Variants in EYS observed in about 807,000 individuals in gnomAD.
EYS encodes protein eyes shut homolog.
Under a neutral mutation model 282.1 loss-of-function variants are expected in EYS, and 250 were observed. The observed-to-expected ratio is 0.89, with a 90% CI of 0.80 to 0.98. The LOEUF is 0.98. Ranked by LOEUF, EYS falls within the 50% of genes least tolerant of loss-of-function variation. The probability of loss-of-function intolerance (pLI) is 0.00; values close to 1 mark genes in which losing one functional copy is unlikely to be tolerated. For synonymous variants in EYS, 1,355 were observed against 1,282.9 expected (o/e 1.06, Z -1.20); for missense variants, 4,016 against 3,709.0 (o/e 1.08, Z -2.15).
At chr6:64,802,991 G>A (rs1764302557) in intron 22 of EYS, among the ~76,000 whole-genome samples, 1 of 152,208 alleles carries the variant, frequency 6.6e-6, no homozygotes, top group Non-Finnish European at 1.5e-5. Context: ...CTGGCTCCAT[G>A]CAAGGTTACA....
In EYS at chr6:63,922,495, G is replaced by A. The variant is rs139736597; in HGVS notation, c.7056-58137C>T. The stretch of plus-strand genomic sequence containing the variant: ...GGAGAATCATGTGAACCTGGGAGGC[G>A]GAGGTTGCAGTGAGCCAAGATCATG... On this transcript the variant is annotated intron_variant, in intron 35 of 42. Coordinates refer to ENST00000503581, the MANE Select transcript of EYS (RefSeq NM_001142800.2). Among the ~76,000 whole-genome samples the A allele has an allele frequency of 3.3e-3, 507 of 152,226 alleles. 3 individuals carry two copies. Among genetic ancestry groups the A allele is most frequent in the African/African-American group, 0.011 (467 of 41,534 alleles).
chr6:64,872,495 GCC>G (rs1481481051), intron 19 of EYS, among the ~76,000 whole-genome samples: 8 of 151,984 alleles, frequency 5.3e-5, no homozygotes, highest in Admixed American at 5.3e-4. Flanking sequence ...ATAGGATCCA[GCC>G]CAAAGTTTCT....
intron 22 of EYS, among the ~76,000 whole-genome samples, chr6:64,756,590 A>G (rs2149974536): frequency 6.6e-6 from 1 of 152,320 alleles, no homozygotes; most frequent in East Asian, 1.9e-4. Context: ...GTTTTAAAGG[A>G]CAAGGACAAT....
chr6:64,949,546 T>C (rs1429251261), intron 14 of EYS, among the ~76,000 whole-genome samples: 1 of 151,918 alleles, frequency 6.6e-6, no homozygotes, highest in Non-Finnish European at 1.5e-5. Context: ...AAAGGCCCAT[T>C]TAATTAGGGC....
chr6:65,343,845 A>T (rs111803942), intron 10 of EYS, among the ~76,000 whole-genome samples, 193 bp downstream of exon 10: 7 of 151,658 alleles, frequency 4.6e-5, no homozygotes, highest in African/African-American at 1.4e-4. Flanking sequence ...TTCCCATATT[A>T]TAAATGTATG....
At chr6:64,257,985 G>A (rs1278077403) in intron 30 of EYS, among the ~76,000 whole-genome samples, 8 of 151,890 alleles carry the variant, frequency 5.3e-5, no homozygotes, top group Non-Finnish European at 1.0e-4. Context: ...ACACTCTCAC[G>A]CCACCATCTT....
chr6:63,806,673 G>C (rs1770917033), intron 36 of EYS, among the ~76,000 whole-genome samples: 1 of 152,124 alleles, frequency 6.6e-6, no homozygotes, highest in Admixed American at 6.5e-5. Context: ...TTTAGAAATA[G>C]AAAAGATTAC....
intron 22 of EYS, among the ~76,000 whole-genome samples, chr6:64,726,092 T>A (rs1771745851): frequency 6.6e-6 from 1 of 152,188 alleles, no homozygotes; most frequent in East Asian, 1.9e-4. Context: ...CCCTCATTCT[T>A]TTCCTTCTTT....
intron 29 of EYS, among the ~76,000 whole-genome samples, chr6:64,309,827 T>C (rs1722422904): frequency 6.6e-6 from 1 of 151,954 alleles, no homozygotes; most frequent in South Asian, 2.1e-4. Context: ...TAGCTGGGCA[T>C]GGTGGTGCAC....
chr6:64,088,656 C>A (rs1772246058), intron 31 of EYS, among the ~76,000 whole-genome samples: 1 of 151,806 alleles, frequency 6.6e-6, no homozygotes, highest in Non-Finnish European at 1.5e-5. Flanking sequence ...TTTAACCAAG[C>A]ATAGTTCTGT....
chr6:64,948,697 T>G (rs1229561916), intron 14 of EYS, among the ~76,000 whole-genome samples: 3 of 150,592 alleles, frequency 2.0e-5, no homozygotes, highest in Non-Finnish European at 4.4e-5. Context: ...CAGCCAATTT[T>G]GATGGAAAAG....
At chr6:65,105,986 A>G (rs1316973473) in intron 12 of EYS, among the ~76,000 whole-genome samples, 2 of 151,962 alleles carry the variant, frequency 1.3e-5, no homozygotes, top group Non-Finnish European at 2.9e-5. Flanking sequence ...TAGTGAAGTT[A>G]GGAATACCAA....
chr6:65,525,220 GAAAA>G (rs1333492007), intron 2 of EYS, among the ~76,000 whole-genome samples: 1 of 152,098 alleles, frequency 6.6e-6, no homozygotes, highest in Non-Finnish European at 1.5e-5. Flanking sequence ...AGAAGTCACT[GAAAA>G]AACTGGGGAA....
At chr6:65,535,282 A>G (rs972802908) in intron 2 of EYS, among the ~76,000 whole-genome samples, 1 of 152,082 alleles carries the variant, frequency 6.6e-6, no homozygotes, top group African/African-American at 2.4e-5. Flanking sequence ...CTCAAATTTC[A>G]TCTTGAATTT....
chr6:65,233,038 T>G (rs1766826025), intron 12 of EYS, among the ~76,000 whole-genome samples: 1 of 152,174 alleles, frequency 6.6e-6, no homozygotes, highest in Non-Finnish European at 1.5e-5. Context: ...TATCTGTATC[T>G]TATTGATATT....
chr6:65,112,998 C>T (rs1048443762), intron 12 of EYS, among the ~76,000 whole-genome samples: 7 of 151,940 alleles, frequency 4.6e-5, no homozygotes, highest in East Asian at 1.9e-4. Flanking sequence ...AAATGAATTG[C>T]GATAGCATGC....
intron 28 of EYS, among the ~76,000 whole-genome samples, chr6:64,421,838 G>C (rs1038467307): frequency 3.3e-5 from 5 of 150,940 alleles, no homozygotes; most frequent in Non-Finnish European, 7.4e-5. Flanking sequence ...GAGAGAGAGA[G>C]AGCGCATTTT....
At chr6:64,889,286 A>G (rs1221967197) in intron 18 of EYS, among the ~76,000 whole-genome samples, 2 of 151,954 alleles carry the variant, frequency 1.3e-5, no homozygotes, top group Non-Finnish European at 2.9e-5. Flanking sequence ...TTGTTGCATA[A>G]GTTAATGGGA....
At chr6:64,821,515 G>C in intron 21 of EYS, 130 bp downstream of exon 21, 1 of 505,462 alleles carries the variant, frequency 2.0e-6, no homozygotes, top group Non-Finnish European at 3.5e-6. Flanking sequence ...TTACACAGAG[G>C]AAAGATGAGA....
Sources: allele counts gnomAD v4.1 joint callset (sites outside exome capture counted in the v4.1 genomes callset), GRCh38; gene constraint gnomAD v4.1.1; transcripts MANE v1.5; gene names NCBI Gene and HGNC (gene_info 2026-07-23, HGNC 2026-07-21).